Variants in BABAM2 observed in about 807,000 individuals in gnomAD.
BABAM2 encodes BRISC and BRCA1 A complex member 2.
A neutral mutation model predicts 54.7 loss-of-function variants in BABAM2; 31 were observed. That is an observed-to-expected ratio of 0.57 (90% CI 0.43 to 0.77). The LOEUF is 0.77. BABAM2 is among the 30% of genes least tolerant of loss of function. The pLI, the probability that BABAM2 is intolerant of heterozygous loss-of-function variation, is 0.00. For missense variants in BABAM2, 364 were observed against 455.8 expected, an observed-to-expected ratio of 0.80 and a Z score of 1.83; for synonymous variants, 167 against 162.9, an observed-to-expected ratio of 1.03 and a Z score of -0.19.
chr2:28,151,685 A>T (rs1041509092), intron 7 of BABAM2, among the ~76,000 whole-genome samples: 1 of 152,258 alleles, frequency 6.6e-6, no homozygotes, highest in African/African-American at 2.4e-5. Flanking sequence ...TAATACAAGC[A>T]TGAGAATAAC....
At chr2:28,074,347 C>T (rs560845042) in intron 6 of BABAM2, among the ~76,000 whole-genome samples, 11 of 152,224 alleles carry the variant, frequency 7.2e-5, no homozygotes, top group African/African-American at 2.4e-4. Context: ...CTGCCAGATG[C>T]TAGTGTAATT....
chr2:27,906,330 C>T (rs1016381630), intron 2 of BABAM2, among the ~76,000 whole-genome samples: 3 of 152,182 alleles, frequency 2.0e-5, no homozygotes, highest in African/African-American at 7.2e-5. Flanking sequence ...TCTTACTCCT[C>T]ATATCCCAGC....
At chr2:28,274,205 C>G (rs967908534) in intron 10 of BABAM2, among the ~76,000 whole-genome samples, 2 of 152,128 alleles carry the variant, frequency 1.3e-5, no homozygotes, top group African/African-American at 4.8e-5. Context: ...CTTTGTTGAC[C>G]CTTCTTGCTT....
rs1430462813 is a variant in BABAM2 at position 28,219,913 on chromosome 2, G to A, written c.681-17289G>A. ...TGCTGCTGGCTGCAGGGACTTTGGT[G>A]AGAAAAATCAGGGCCGGTGAGAAAA... On this transcript the variant is annotated intron_variant, in intron 7 of 11. Transcript: ENST00000379624. Among the ~76,000 whole-genome samples, 3 of 152,180 alleles carry A rather than the reference G, an allele frequency of 2.0e-5. No individual in the cohort carries two copies. The East Asian group carries it at 5.8e-4, about 29-fold the overall frequency.
chr2:28,337,674 G>A (rs527240586), intron 11 of BABAM2, among the ~76,000 whole-genome samples: 1 of 152,330 alleles, frequency 6.6e-6, no homozygotes, highest in African/African-American at 2.4e-5. Context: ...GAAATAAATG[G>A]AGCCCATGAA....
At chr2:27,954,170 C>T (rs1669931508) in intron 3 of BABAM2, among the ~76,000 whole-genome samples, 2 of 152,188 alleles carry the variant, frequency 1.3e-5, no homozygotes, top group African/African-American at 4.8e-5. Context: ...TGTACTTATG[C>T]CTAAACCTCT....
intron 10 of BABAM2, among the ~76,000 whole-genome samples, chr2:28,291,003 G>T (rs184507112): frequency 7.8e-4 from 119 of 152,216 alleles, no homozygotes; most frequent in African/African-American, 2.7e-3. Context: ...CTTAAAGAAG[G>T]GTGGTAGGGA....
intron 5 of BABAM2, among the ~76,000 whole-genome samples, chr2:28,042,261 A>G (rs1677160411): frequency 1.3e-5 from 2 of 152,228 alleles, no homozygotes; most frequent in Non-Finnish European, 2.9e-5. Flanking sequence ...ATTTAAAAAA[A>G]GGTCTGGGAT....
chr2:28,279,513 T>C (rs1222621048), intron 10 of BABAM2, among the ~76,000 whole-genome samples: 1 of 152,170 alleles, frequency 6.6e-6, no homozygotes, highest in Non-Finnish European at 1.5e-5. Flanking sequence ...TCATACTATA[T>C]TGGGATTATT....
At chr2:28,035,140 G>A (rs1252972658) in intron 5 of BABAM2, among the ~76,000 whole-genome samples, 2 of 152,086 alleles carry the variant, frequency 1.3e-5, no homozygotes, top group Non-Finnish European at 1.5e-5. Flanking sequence ...ATATTGGGAT[G>A]TATTATTAGC....
At chr2:27,958,258 A>T (rs893753687) in intron 3 of BABAM2, among the ~76,000 whole-genome samples, 7 of 152,140 alleles carry the variant, frequency 4.6e-5, no homozygotes, top group African/African-American at 7.2e-5. Context: ...CCTGAAGAAT[A>T]GGAGTGGACA....
At chr2:28,099,573 TC>T (rs1385098710) in intron 6 of BABAM2, among the ~76,000 whole-genome samples, 2 of 152,236 alleles carry the variant, frequency 1.3e-5, no homozygotes, top group South Asian at 2.1e-4. Context: ...TTTAATGTGA[TC>T]TTTTTTTCTA....
At chr2:28,055,305 G>T (rs1678314047) in intron 6 of BABAM2, among the ~76,000 whole-genome samples, 1 of 152,046 alleles carries the variant, frequency 6.6e-6, no homozygotes, top group Non-Finnish European at 1.5e-5. Flanking sequence ...AAAACTACCT[G>T]TCAAGTACTA....
intron 11 of BABAM2, chr2:28,308,570 T>C (rs1356811885): frequency 4.3e-6 from 2 of 465,528 alleles, no homozygotes; most frequent in East Asian, 5.4e-5. Context: ...AGAAGGCATA[T>C]TGGGATCATC....
intron 6 of BABAM2, among the ~76,000 whole-genome samples, chr2:28,112,085 C>CTTT (rs1408542112): frequency 4.6e-4 from 2 of 4,378 alleles, no homozygotes; most frequent in Non-Finnish European, 1.1e-3. Context: ...ACCCATTACT[C>CTTT]TTTCTTTCTT....
chr2:28,163,518 A>C (rs1393444012), intron 7 of BABAM2, among the ~76,000 whole-genome samples: 2 of 152,290 alleles, frequency 1.3e-5, no homozygotes, highest in East Asian at 3.9e-4. Context: ...GAAAAGCAAA[A>C]GGCAGTCACC....
intron 6 of BABAM2, among the ~76,000 whole-genome samples, chr2:28,060,265 A>G (rs1678752948): frequency 6.6e-6 from 1 of 152,188 alleles, no homozygotes; most frequent in African/African-American, 2.4e-5. Context: ...TTATCTCAAT[A>G]GACATAGAAA....
At chr2:27,899,497 A>G (rs894975544) in intron 2 of BABAM2, among the ~76,000 whole-genome samples, 5 of 149,692 alleles carry the variant, frequency 3.3e-5, no homozygotes, top group East Asian at 3.9e-4. Flanking sequence ...TTTTCGTGAC[A>G]GAGTTTCGCT....
chr2:28,327,193 C>T, intron 11 of BABAM2: 1 of 1,422,042 alleles, frequency 7.0e-7, no homozygotes, highest in Non-Finnish European at 9.5e-7. Context: ...GGCTCAGGAG[C>T]CCATTAGGAC....
Sources: gnomAD v4.1 joint callset for allele counts (sites outside exome capture counted in the v4.1 genomes callset) on GRCh38, gnomAD v4.1.1 for gene constraint, MANE v1.5 for transcripts, NCBI Gene and HGNC (gene_info 2026-07-23, HGNC 2026-07-21) for gene names.